Variants in NOL10 observed in about 807,000 individuals in gnomAD.
The protein encoded by NOL10 is nucleolar protein 10, also known as H_NH0074G24.1.
NOL10 carries 58 observed loss-of-function variants against 103.5 expected under a neutral mutation model. That is an observed-to-expected ratio of 0.56 (90% CI 0.45 to 0.70). The LOEUF is 0.70. Among genes scored for constraint, NOL10 ranks in the 30% least tolerant of loss-of-function variants. The pLI is 0.00. For synonymous variants in NOL10, 287 were observed against 282.5 expected (o/e 1.02, Z -0.16); for missense variants, 763 against 807.3 (o/e 0.95, Z 0.67).
Position 10,588,553 on chromosome 2 carries a change from A to G in NOL10, c.1844+490T>C, listed in dbSNP as rs1340732849. On this transcript the variant is annotated intron_variant, in intron 19 of 20. Coordinates refer to ENST00000381685, the MANE Select transcript of NOL10 (RefSeq NM_024894.4). ...ATGGGGTAAACATAACCGAGGTTCT[A>G]ATTTTTTAAAATAACTTTGTGAAGA... Among the ~76,000 whole-genome samples the G allele has an allele frequency of 3.9e-5, 6 of 152,200 alleles. No individual in the cohort carries two copies. The East Asian group carries it at 9.6e-4, about 24-fold the overall frequency.
intron 16 of NOL10, 129 bp from the exon 17 acceptor site, chr2:10,601,071 A>G (rs536444382): frequency 1.3e-5 from 7 of 527,308 alleles, no homozygotes; most frequent in African/African-American, 4.0e-5. Context: ...TTATTTTATT[A>G]TTTTTTTTTT....
In NOL10 at chr2:10,673,552, T is replaced by C. The variant is rs1224881980; in HGVS notation, c.295A>G (p.Thr99Ala). The C allele has an allele frequency of 6.3e-7, 1 of 1,592,046 alleles. No individual in the cohort carries two copies. The highest frequency in any genetic ancestry group is 8.6e-7 in the Non-Finnish European group (1 of 1,167,178). ...TAGTCATCAGACAAAATTTCAAAGGTGACAACTGAAAAACAAGAAATAGGA... is the reference window on the plus strand; with the variant it reads ...TAGTCATCAGACAAAATTTCAAAGGCGACAACTGAAAAACAAGAAATAGGA... ...FERCLDSEVV[T>A]FEILSDDYSK... The change falls in exon 5 of 21, where the codon ACC becomes GCC. Residue 99 changes from threonine to alanine, a missense_variant. Physicochemically the swap from Thr to Ala is moderately conservative, Grantham distance 58 (BLOSUM62 0). Coordinates refer to ENST00000381685, the MANE Select transcript of NOL10 (RefSeq NM_024894.4).
At chr2:10,574,341 G>C (rs200211131) in intron 20 of NOL10, among the ~76,000 whole-genome samples, 1 of 89,890 alleles carries the variant, frequency 1.1e-5, no homozygotes, top group Non-Finnish European at 1.9e-5. Flanking sequence ...TCAGGGTTTA[G>C]GTTTATTTAA....
At position 10,675,850 on chromosome 2, in the gene NOL10, C is replaced by T. The variant is rs757381811; in HGVS notation, c.233G>A (p.Arg78Gln). ...GGATAATTGATAGGTGTCATAACAT[C>T]GAACCCGAGGTTTATATGTTCCTAC... ...LATGTYKPRVRCYDTYQLSLK... is the reference protein window; with the variant it reads ...LATGTYKPRVQCYDTYQLSLK... The change falls in exon 4 of 21, where the codon CGA becomes CAA. Residue 78 changes from arginine (R) to glutamine (Q), a missense_variant. By Grantham distance (43) the Arg-to-Gln change is conservative. Coordinates refer to ENST00000381685, the MANE Select transcript of NOL10 (RefSeq NM_024894.4). The T allele has an allele frequency of 1.1e-5, 17 of 1,577,028 alleles. No homozygotes were observed. The highest frequency in any genetic ancestry group is 5.8e-5 in the South Asian group (5 of 85,686).
At chr2:10,635,081 G>A (rs1047439718) in intron 13 of NOL10, among the ~76,000 whole-genome samples, 3 of 152,046 alleles carry the variant, frequency 2.0e-5, no homozygotes, top group Admixed American at 6.6e-5. Context: ...ATCTTGGGAT[G>A]AGACCCAAGT....
At chr2:10,619,153 T>TATG (rs1558294423) in intron 13 of NOL10, among the ~76,000 whole-genome samples, 7 of 151,946 alleles carry the variant, frequency 4.6e-5, no homozygotes, top group Non-Finnish European at 7.4e-5. Context: ...ATGTATGTAT[T>TATG]TATGTATTTA....
intron 12 of NOL10, among the ~76,000 whole-genome samples, chr2:10,653,345 T>G (rs940198034): frequency 6.6e-6 from 1 of 152,200 alleles, no homozygotes; most frequent in Non-Finnish European, 1.5e-5. Context: ...GCCACTGTCC[T>G]GTCACCTCCT....
chr2:10,607,712 A>G (rs1022174119), intron 13 of NOL10, among the ~76,000 whole-genome samples: 2 of 149,428 alleles, frequency 1.3e-5, no homozygotes, highest in African/African-American at 2.5e-5. Flanking sequence ...TTGCCAAACA[A>G]AAGTCTAAAA....
chr2:10,594,588 T>A (rs1308128888), intron 17 of NOL10, among the ~76,000 whole-genome samples: 1 of 152,212 alleles, frequency 6.6e-6, no homozygotes, highest in Non-Finnish European at 1.5e-5. Context: ...GGGTGTTGAT[T>A]AGTGATAACT....
chr2:10,625,403 G>A (rs980731437), intron 13 of NOL10, among the ~76,000 whole-genome samples: 1 of 152,132 alleles, frequency 6.6e-6, no homozygotes, highest in Non-Finnish European at 1.5e-5. Flanking sequence ...CAATTTTGCC[G>A]TGAGCCAAAA....
chr2:10,645,934 C>A (rs879372881), intron 12 of NOL10, among the ~76,000 whole-genome samples: 47 of 128,666 alleles, frequency 3.7e-4, no homozygotes, highest in Middle Eastern at 3.4e-3. Context: ...ACAAAACACA[C>A]ACACACACAT....
rs1341918622 is a variant in NOL10 at position 10,587,178 on chromosome 2, TAC to T, written c.1844+1863_1844+1864del. On this transcript the variant is annotated intron_variant, in intron 19 of 20. Coordinates refer to ENST00000381685, the MANE Select transcript of NOL10 (RefSeq NM_024894.4). ...ATATACACATATATACACATATATA[TAC>T]ACATATATATACACATATATATACA... Among the ~76,000 whole-genome samples the T allele has an allele frequency of 1.1e-4, 6 of 52,698 alleles. 1 individual carries two copies. Among genetic ancestry groups the T allele is most frequent in the East Asian group, 9.3e-4 (2 of 2,156 alleles). The allele number at this position is 52,698 out of a possible 152,430, so 34.6% of individuals were successfully genotyped here. A position where few individuals can be genotyped will look rare whatever the true frequency, so the allele number is the denominator to read the frequency against.
Position 10,621,197 on chromosome 2 carries a change from C to A in NOL10, c.1027-13886G>T, listed in dbSNP as rs542409667. On this transcript the variant is annotated intron_variant, in intron 13 of 20. Transcript: ENST00000381685. Reference sequence around the variant, plus strand: ...TATGAAGAGCTTTATTTAAAAAAAACCATACACATAACGAAATCTTTAAAC... The same window carrying A: ...TATGAAGAGCTTTATTTAAAAAAAAACATACACATAACGAAATCTTTAAAC... Among the ~76,000 whole-genome samples, 7 of 152,094 alleles carry A rather than the reference C, an allele frequency of 4.6e-5. No individual in the cohort carries two copies. In the East Asian group the frequency reaches 1.2e-3, roughly 25 times the overall value.
chr2:10,659,346 G>GC (rs1680039830), intron 9 of NOL10, 96 bp from the exon 10 acceptor site: 5 of 486,344 alleles, frequency 1.0e-5, no homozygotes, highest in South Asian at 1.8e-5. Context: ...TCTAATGGGG[G>GC]GGGGGGGGAG....
At chr2:10,607,747 A>G (rs1676332075) in intron 13 of NOL10, among the ~76,000 whole-genome samples, 1 of 138,062 alleles carries the variant, frequency 7.2e-6, no homozygotes, top group African/African-American at 2.8e-5. Context: ...TTAAAAAACA[A>G]TATTTATTAT....
intron 19 of NOL10, among the ~76,000 whole-genome samples, chr2:10,586,989 G>A (rs1675057122): frequency 6.9e-6 from 1 of 145,854 alleles, no homozygotes; most frequent in African/African-American, 2.6e-5. Context: ...ATCAAAAGTT[G>A]TATGTGTTAG....
intron 2 of NOL10, among the ~76,000 whole-genome samples, chr2:10,683,901 A>C (rs1443716771): frequency 2.6e-5 from 4 of 152,298 alleles, no homozygotes; most frequent in Non-Finnish European, 5.9e-5. Flanking sequence ...TGAAACGGTA[A>C]CAGGCTAACT....
chr2:10,594,696 T>C (rs916046071), intron 17 of NOL10, among the ~76,000 whole-genome samples: 12 of 152,006 alleles, frequency 7.9e-5, no homozygotes, highest in African/African-American at 2.4e-4. Context: ...CGGCTGGAAA[T>C]AGCACTTACG....
intron 2 of NOL10, among the ~76,000 whole-genome samples, chr2:10,683,451 G>GA (rs1681923120): frequency 6.6e-6 from 1 of 152,072 alleles, no homozygotes; most frequent in Non-Finnish European, 1.5e-5. Flanking sequence ...CTGATAAATG[G>GA]ATTTAATTTA....
Sources: gnomAD v4.1 joint callset for allele counts (sites outside exome capture counted in the v4.1 genomes callset) on GRCh38, gnomAD v4.1.1 for gene constraint, MANE v1.5 for transcripts, NCBI Gene and HGNC (gene_info 2026-07-23, HGNC 2026-07-21) for gene names.